SHB: variants seen among roughly 807,000 people sequenced by gnomAD.
SHB encodes SH2 domain containing adaptor protein B.
A neutral mutation model predicts 52.3 loss-of-function variants in SHB; 20 were observed. That is an observed-to-expected ratio of 0.38 (90% CI 0.27 to 0.56). The LOEUF (loss-of-function observed/expected upper bound fraction) is 0.56, where lower values mean the gene tolerates loss of function less well. SHB is among the 20% of genes least tolerant of loss of function. SHB has a pLI of 0.71. For synonymous variants in SHB, 397 were observed against 316.5 expected (o/e 1.25, Z -2.70); for missense variants, 825 against 723.3 (o/e 1.14, Z -1.61).
chr9:38,068,704 G>A lies in SHB; in HGVS notation c.-59C>T, dbSNP rs1013253575. The A allele has an allele frequency of 9.0e-6, 11 of 1,217,708 alleles. No homozygotes were observed. In the Admixed American group the frequency reaches 1.8e-4, roughly 20 times the overall value. 75.4% of individuals were successfully genotyped at this position (1,217,708 alleles called of 1,614,324 possible). On this transcript the variant is annotated 5_prime_UTR_variant, in exon 1 of 6. Transcript: ENST00000377707. ...CCCGGTCCGCCGCCGCGGCCATTCGGGGGGCAGCGCTGCGGCGCAGGTCCC... is the reference window on the plus strand; with the variant it reads ...CCCGGTCCGCCGCCGCGGCCATTCGAGGGGCAGCGCTGCGGCGCAGGTCCC...
intron 1 of SHB, among the ~76,000 whole-genome samples, chr9:38,047,486 C>T (rs1270969761): frequency 6.6e-6 from 1 of 152,234 alleles, no homozygotes; most frequent in African/African-American, 2.4e-5. Flanking sequence ...AATGGCCCTG[C>T]CTGCCTCCAA....
chr9:37,989,266 C>A (rs1820850940), intron 2 of SHB, among the ~76,000 whole-genome samples: 1 of 152,174 alleles, frequency 6.6e-6, no homozygotes, highest in African/African-American at 2.4e-5. Context: ...AAAGTCAAGT[C>A]TATGAGGAAT....
In SHB at chr9:37,920,557, T is replaced by G. The variant is rs555423725; in HGVS notation, c.1347-553A>C. Among the ~76,000 whole-genome samples the G allele has an allele frequency of 2.6e-5, 4 of 152,338 alleles. No homozygotes were observed. The East Asian group carries it at 7.7e-4, about 29-fold the overall frequency. Reference sequence around the variant, plus strand: ...GGGAAGGGGCCACCCAGCCAGGGACTACATTTCCCAGCCTCCCTTGCAGGC... The same window carrying G: ...GGGAAGGGGCCACCCAGCCAGGGACGACATTTCCCAGCCTCCCTTGCAGGC... On this transcript the variant is annotated intron_variant, in intron 5 of 5. Transcript: ENST00000377707.
At chr9:37,970,835 C>G (rs535861307) in intron 3 of SHB, among the ~76,000 whole-genome samples, 55 of 152,160 alleles carry the variant, frequency 3.6e-4, no homozygotes, top group Admixed American at 3.1e-3. Context: ...TGTGACTCCC[C>G]CTTTGGCAGG....
At chr9:38,039,005 T>C (rs984664167) in intron 1 of SHB, among the ~76,000 whole-genome samples, 1 of 152,184 alleles carries the variant, frequency 6.6e-6, no homozygotes, top group Non-Finnish European at 1.5e-5. Context: ...AAGAAAAACA[T>C]GTTTCTGAAC....
rs969575910 is a variant in SHB at position 37,915,932 on chromosome 9, C to T, written c.*3889G>A. On this transcript the variant is annotated 3_prime_UTR_variant, in exon 6 of 6. Coordinates refer to ENST00000377707, the MANE Select transcript of SHB (RefSeq NM_003028.3). Reference sequence around the variant, plus strand: ...CACTTGTAGTATATTAAGAGCTTCACATTAAATATTCATCATTATACAGTG... The same window carrying T: ...CACTTGTAGTATATTAAGAGCTTCATATTAAATATTCATCATTATACAGTG... Among the ~76,000 whole-genome samples, 3 of 152,200 alleles carry T rather than the reference C, an allele frequency of 2.0e-5. No individual in the cohort carries two copies. The highest frequency in any genetic ancestry group is 2.0e-4 in the Admixed American group (3 of 15,288).
intron 4 of SHB, among the ~76,000 whole-genome samples, chr9:37,949,136 C>T (rs1832530339): frequency 6.6e-6 from 1 of 152,182 alleles, no homozygotes; most frequent in Non-Finnish European, 1.5e-5. Context: ...TGGCTCACGC[C>T]TGTAATCCCA....
chr9:38,047,435 G>A (rs1821669942), intron 1 of SHB, among the ~76,000 whole-genome samples: 2 of 152,206 alleles, frequency 1.3e-5, no homozygotes, highest in African/African-American at 4.8e-5. Context: ...GCAGAAAACT[G>A]GAGACTGCAA....
chr9:38,061,103 A>C (rs7866987), intron 1 of SHB, among the ~76,000 whole-genome samples: 1 of 151,882 alleles, frequency 6.6e-6, no homozygotes, highest in East Asian at 1.9e-4. Flanking sequence ...AGGCCAAGGC[A>C]GACGGATCAC....
intron 1 of SHB, among the ~76,000 whole-genome samples, chr9:38,045,561 G>C (rs1821641393): frequency 6.6e-6 from 1 of 151,906 alleles, no homozygotes; most frequent in Admixed American, 6.5e-5. Flanking sequence ...CAGTGAGCCG[G>C]GATTGTGCCA....
At chr9:37,947,010 G>A (rs1355641791) in intron 5 of SHB, among the ~76,000 whole-genome samples, 6 of 152,094 alleles carry the variant, frequency 3.9e-5, no homozygotes, top group Admixed American at 1.3e-4. Context: ...TGGTGTGCAC[G>A]CCCCCCTGCT....
Position 37,996,800 on chromosome 9 carries a change from G to GCA in SHB, c.838+19209_838+19210dup, listed in dbSNP as rs568268802. 2.9e-3 allele frequency among the ~76,000 whole-genome samples: 435 copies of GCA among 152,336 alleles called. 2 individuals carry two copies. Among genetic ancestry groups the GCA allele is most frequent in the Non-Finnish European group, 4.6e-3 (315 of 68,040 alleles). Reference sequence around the variant, plus strand: ...TCTGTCCCTTTGGTACCCCAATGTAGCACTAATTATCTGTCTGATTCACAT... The same window carrying GCA: ...TCTGTCCCTTTGGTACCCCAATGTAGCACACTAATTATCTGTCTGATTCACAT... On this transcript the variant is annotated intron_variant, in intron 2 of 5. Coordinates refer to ENST00000377707, the MANE Select transcript of SHB (RefSeq NM_003028.3).
intron 1 of SHB, among the ~76,000 whole-genome samples, chr9:38,040,360 G>A (rs913958069): frequency 6.6e-6 from 1 of 152,232 alleles, no homozygotes; most frequent in African/African-American, 2.4e-5. Flanking sequence ...AGACCACGGT[G>A]GGAAGCTGCC....
intron 1 of SHB, among the ~76,000 whole-genome samples, chr9:38,055,281 C>A (rs1306025775): frequency 6.6e-6 from 1 of 152,088 alleles, no homozygotes; most frequent in East Asian, 1.9e-4. Context: ...TCCTTTAATA[C>A]CAATTTGTTT....
At chr9:38,008,241 C>T (rs1411974173) in intron 2 of SHB, among the ~76,000 whole-genome samples, 4 of 152,088 alleles carry the variant, frequency 2.6e-5, no homozygotes, top group East Asian at 3.9e-4. Context: ...AGAGGGGAGC[C>T]GGGGTGAGAG....
intron 4 of SHB, among the ~76,000 whole-genome samples, chr9:37,950,562 G>A (rs1303949202): frequency 2.6e-5 from 4 of 152,172 alleles, no homozygotes; most frequent in Admixed American, 1.3e-4. Flanking sequence ...AGTGGAGGGG[G>A]TGAGACTCAG....
At chr9:37,932,645 T>G (rs2118477440) in intron 5 of SHB, among the ~76,000 whole-genome samples, 1 of 152,044 alleles carries the variant, frequency 6.6e-6, no homozygotes, top group East Asian at 1.9e-4. Flanking sequence ...TTTGTTTTGC[T>G]CTGTCGCCCA....
intron 3 of SHB, 127 bp downstream of exon 3, chr9:37,974,495 G>C: frequency 2.6e-6 from 2 of 768,704 alleles, no homozygotes; most frequent in Non-Finnish European, 4.3e-6. Flanking sequence ...TGAGGGTACT[G>C]AGAAAAAAGA....
chr9:37,950,322 G>C (rs1204855223), intron 4 of SHB, among the ~76,000 whole-genome samples: 1 of 151,772 alleles, frequency 6.6e-6, no homozygotes, highest in Admixed American at 6.6e-5. Context: ...CTGAAGTGTA[G>C]TGGTGTGATC....
Sources: allele counts gnomAD v4.1 joint callset (sites outside exome capture counted in the v4.1 genomes callset), GRCh38; gene constraint gnomAD v4.1.1; transcripts MANE v1.5; gene names NCBI Gene and HGNC (gene_info 2026-07-23, HGNC 2026-07-21).